Variants in STPG2 observed in about 807,000 individuals in gnomAD.
The protein encoded by STPG2 is sperm-tail PG-rich repeat-containing protein 2.
In STPG2, 56 loss-of-function variants were observed where a neutral mutation model predicts 54.2. The ratio of observed to expected loss-of-function variants is 1.03; its 90% CI spans 0.83 to 1.29. The LOEUF is 1.29. Ranked by LOEUF, STPG2 falls within the 50% of genes most tolerant of loss-of-function variation. The pLI is 0.00. For missense variants in STPG2, 596 were observed against 544.9 expected (o/e 1.09, Z -0.93); for synonymous variants, 200 against 181.8 (o/e 1.10, Z -0.81).
At chr4:97,665,494 T>C (rs965859827) in intron 10 of STPG2, among the ~76,000 whole-genome samples, 2 of 152,108 alleles carry the variant, frequency 1.3e-5, no homozygotes, top group Non-Finnish European at 2.9e-5. Context: ...GTCATCTTTT[T>C]GAGTCTGGCT....
chr4:97,904,282 G>T (rs1262094525), intron 8 of STPG2, among the ~76,000 whole-genome samples: 2 of 152,210 alleles, frequency 1.3e-5, no homozygotes. Context: ...CCTCAAGTGG[G>T]TCCCTGACCC....
At chr4:97,495,726 A>T (rs917890593) in intron 4 of STPG2, among the ~76,000 whole-genome samples, 1 of 140,690 alleles carries the variant, frequency 7.1e-6, no homozygotes, top group Admixed American at 7.2e-5. Context: ...AAAAAAAAAA[A>T]CACAGAACTA....
At chr4:97,927,443 T>G in intron 8 of STPG2, among the ~76,000 whole-genome samples, 1 of 152,262 alleles carries the variant, frequency 6.6e-6, no homozygotes, top group South Asian at 2.1e-4. Context: ...GATAGTCAAC[T>G]TTTAGTTTCT....
chr4:97,950,325 G>T (rs1733418732), intron 7 of STPG2, among the ~76,000 whole-genome samples: 1 of 151,406 alleles, frequency 6.6e-6, no homozygotes, highest in African/African-American at 2.4e-5. Flanking sequence ...TCTCTGACTG[G>T]GTTAGCTTAA....
intron 5 of STPG2, among the ~76,000 whole-genome samples, chr4:98,094,000 A>T (rs973000632): frequency 2.0e-5 from 3 of 152,178 alleles, no homozygotes; most frequent in African/African-American, 7.2e-5. Context: ...TGCAATTTCT[A>T]GGCAATTCAT....
chr4:98,023,067 C>T (rs994215465), intron 5 of STPG2, among the ~76,000 whole-genome samples: 12 of 152,232 alleles, frequency 7.9e-5, no homozygotes, highest in African/African-American at 1.9e-4. Flanking sequence ...TGAGGAACTG[C>T]ATTCCTTTGG....
intron 4 of STPG2, among the ~76,000 whole-genome samples, chr4:97,546,085 G>A (rs1007542754): frequency 2.9e-4 from 44 of 151,852 alleles, no homozygotes; most frequent in African/African-American, 8.7e-4. Context: ...CTCATCTTTA[G>A]GAGGCTATAT....
chr4:97,489,658 T>G (rs1412964693), intron 4 of STPG2: 1 of 151,662 alleles, frequency 6.6e-6, no homozygotes, highest in Non-Finnish European at 1.5e-5. Context: ...ATACTTTGAA[T>G]GTAAATATGC....
At chr4:97,681,264 T>G (rs1723025173) in intron 10 of STPG2, among the ~76,000 whole-genome samples, 1 of 151,878 alleles carries the variant, frequency 6.6e-6, no homozygotes, top group Admixed American at 6.6e-5. Flanking sequence ...TAGTAGTAAC[T>G]CTGACCTCAG....
chr4:97,534,778 C>G (rs1028463499), intron 4 of STPG2, among the ~76,000 whole-genome samples: 1 of 152,058 alleles, frequency 6.6e-6, no homozygotes, highest in Non-Finnish European at 1.5e-5. Context: ...TACAAACAAC[C>G]CTTCTGTACA....
At chr4:97,918,895 T>C (rs1731990507) in intron 8 of STPG2, among the ~76,000 whole-genome samples, 1 of 152,010 alleles carries the variant, frequency 6.6e-6, no homozygotes, top group African/African-American at 2.4e-5. Context: ...TACACCAAAA[T>C]CTCAGAAATC....
intron 9 of STPG2, among the ~76,000 whole-genome samples, chr4:97,839,743 C>G (rs1728741425): frequency 6.6e-6 from 1 of 151,628 alleles, no homozygotes; most frequent in African/African-American, 2.4e-5. Context: ...ATGCCTGATT[C>G]TTAAAAGGCA....
chr4:97,563,122 C>T (rs1732307894), intron 10 of STPG2, among the ~76,000 whole-genome samples: 1 of 152,106 alleles, frequency 6.6e-6, no homozygotes, highest in African/African-American at 2.4e-5. Context: ...ATTTCAGAAC[C>T]TGTTATTGGT....
intron 10 of STPG2, among the ~76,000 whole-genome samples, chr4:97,709,992 G>T (rs921428802): frequency 6.6e-6 from 1 of 151,796 alleles, no homozygotes; most frequent in African/African-American, 2.4e-5. Flanking sequence ...TCTGTGGGTG[G>T]AACCTGAATC....
At chr4:98,027,469 G>GAAAAATAA (rs1485093453) in intron 5 of STPG2, among the ~76,000 whole-genome samples, 2 of 152,052 alleles carry the variant, frequency 1.3e-5, no homozygotes, top group African/African-American at 4.8e-5. Context: ...CACATCATCT[G>GAAAAATAA]AAAAATAAAA....
intron 8 of STPG2, among the ~76,000 whole-genome samples, chr4:97,855,938 C>A (rs1398456962): frequency 6.6e-6 from 1 of 152,148 alleles, no homozygotes; most frequent in Non-Finnish European, 1.5e-5. Flanking sequence ...TTCTCCATTG[C>A]TTGTTTTTGT....
chr4:97,620,907 A>G (rs187150200), intron 10 of STPG2, among the ~76,000 whole-genome samples: 1 of 152,266 alleles, frequency 6.6e-6, no homozygotes. Context: ...AACAAATTTA[A>G]AAAAAACCTA....
At chr4:98,001,268 G>C (rs1241766389) in intron 5 of STPG2, among the ~76,000 whole-genome samples, 1 of 151,326 alleles carries the variant, frequency 6.6e-6, no homozygotes, top group Non-Finnish European at 1.5e-5. Context: ...TTCACCAAGA[G>C]GAAATCTATA....
At chr4:97,851,315 A>G (rs1000690803) in intron 8 of STPG2, among the ~76,000 whole-genome samples, 2 of 152,202 alleles carry the variant, frequency 1.3e-5, no homozygotes, top group Non-Finnish European at 2.9e-5. Flanking sequence ...ATGAATGAAT[A>G]TGTCAGTTAT....
Sources: allele counts gnomAD v4.1 joint callset (sites outside exome capture counted in the v4.1 genomes callset), GRCh38; gene constraint gnomAD v4.1.1; transcripts MANE v1.5; gene names NCBI Gene and HGNC (gene_info 2026-07-23, HGNC 2026-07-21).